CDKAL1: variants seen among roughly 807,000 people sequenced by gnomAD.
The protein encoded by CDKAL1 is CDKAL1 threonylcarbamoyladenosine tRNA methylthiotransferase.
CDKAL1 carries 32 observed loss-of-function variants against 68.2 expected under a neutral mutation model. The observed-to-expected ratio is 0.47, with a 90% confidence interval of 0.35 to 0.63. The LOEUF is 0.63. CDKAL1 is among the 30% of genes least tolerant of loss of function. The pLI is 0.00. For synonymous variants in CDKAL1, 234 were observed against 244.3 expected, an observed-to-expected ratio of 0.96 and a Z score of 0.39; for missense variants, 606 against 696.7, an observed-to-expected ratio of 0.87 and a Z score of 1.47.
intron 13 of CDKAL1, among the ~76,000 whole-genome samples, chr6:21,139,977 C>A (rs150676771): frequency 1.1e-4 from 16 of 152,262 alleles, no homozygotes; most frequent in Non-Finnish European, 1.8e-4. Context: ...ACTGCAAAAA[C>A]GCACAGATAA....
chr6:20,986,575 C>T (rs1027322256), intron 10 of CDKAL1, among the ~76,000 whole-genome samples: 8 of 151,370 alleles, frequency 5.3e-5, no homozygotes, highest in African/African-American at 1.7e-4. Context: ...TAAGATACTA[C>T]AAGCCCAACC....
chr6:20,986,972 A>G (rs1256438205), intron 10 of CDKAL1, among the ~76,000 whole-genome samples: 1 of 152,216 alleles, frequency 6.6e-6, no homozygotes, highest in African/African-American at 2.4e-5. Context: ...AAGACAGCAC[A>G]GTTCATAGAC....
chr6:20,945,381 G>C (rs757284983), intron 9 of CDKAL1, among the ~76,000 whole-genome samples: 1 of 152,084 alleles, frequency 6.6e-6, no homozygotes, highest in Non-Finnish European at 1.5e-5. Context: ...AAATCCCTCT[G>C]TCCCAAGCAT....
chr6:21,087,372 C>T (rs1772751325), intron 12 of CDKAL1, among the ~76,000 whole-genome samples: 3 of 152,148 alleles, frequency 2.0e-5, no homozygotes, highest in African/African-American at 7.2e-5. Context: ...AGTTCTGTCT[C>T]CCAGGCTGGA....
chr6:20,835,528 C>CTT (rs1777901895), intron 8 of CDKAL1, among the ~76,000 whole-genome samples: 1 of 148,840 alleles, frequency 6.7e-6, no homozygotes, highest in African/African-American at 2.5e-5. Flanking sequence ...TGTCTTTTGT[C>CTT]TTGTCTTGTC....
At chr6:21,215,788 G>A (rs1393244492) in intron 15 of CDKAL1, among the ~76,000 whole-genome samples, 1 of 152,156 alleles carries the variant, frequency 6.6e-6, no homozygotes, top group Non-Finnish European at 1.5e-5. Context: ...GTGGTAGGCA[G>A]AATAATGCCC....
chr6:21,143,376 A>G (rs953933185), intron 13 of CDKAL1, among the ~76,000 whole-genome samples: 1 of 152,090 alleles, frequency 6.6e-6, no homozygotes, highest in African/African-American at 2.4e-5. Context: ...AGTGTATCTC[A>G]GGAGTGTAAG....
chr6:21,032,215 G>A (rs570325571), intron 11 of CDKAL1, among the ~76,000 whole-genome samples: 5 of 152,172 alleles, frequency 3.3e-5, no homozygotes, highest in South Asian at 2.1e-4. Context: ...GGGTGTCTGC[G>A]AGCTTTGTAT....
intron 4 of CDKAL1, among the ~76,000 whole-genome samples, chr6:20,551,569 A>C (rs1763830543): frequency 6.6e-6 from 1 of 151,280 alleles, no homozygotes; most frequent in Non-Finnish European, 1.5e-5. Flanking sequence ...ACGGGGTTTC[A>C]CCGTGTTAGC....
intron 4 of CDKAL1, among the ~76,000 whole-genome samples, chr6:20,594,833 A>G (rs1396186124): frequency 6.6e-6 from 1 of 152,084 alleles, no homozygotes; most frequent in African/African-American, 2.4e-5. Flanking sequence ...TTTCCATTCC[A>G]TATTTAGTGC....
At chr6:20,701,725 C>T (rs950578386) in intron 5 of CDKAL1, among the ~76,000 whole-genome samples, 14 of 152,038 alleles carry the variant, frequency 9.2e-5, no homozygotes, top group African/African-American at 3.4e-4. Flanking sequence ...AGTTATGTTC[C>T]CCCAGCCACC....
chr6:20,770,303 A>G (rs1774885035), intron 7 of CDKAL1, among the ~76,000 whole-genome samples: 1 of 152,218 alleles, frequency 6.6e-6, no homozygotes, highest in South Asian at 2.1e-4. Flanking sequence ...AAAAAAGCAA[A>G]TGAAAGATTC....
rs1201846347 is a variant in CDKAL1 at position 21,232,280 on chromosome 6, T to G, written c.*1241T>G. On this transcript the variant is annotated 3_prime_UTR_variant, in exon 16 of 16. Coordinates refer to ENST00000274695, the MANE Select transcript of CDKAL1 (RefSeq NM_017774.3). Reference sequence around the variant, plus strand: ...CCTCAGCCTCCCAAAGTGCTGGGATTACAGGCGTGAGCCACTCCACCCAGC... The same window carrying G: ...CCTCAGCCTCCCAAAGTGCTGGGATGACAGGCGTGAGCCACTCCACCCAGC... The G allele has an allele frequency of 6.6e-6, 1 of 152,336 alleles. No homozygotes were observed. The highest frequency in any genetic ancestry group is 2.4e-5 in the African/African-American group (1 of 41,474). 9.4% of individuals were successfully genotyped at this position (152,336 alleles called of 1,614,324 possible). A position where few individuals can be genotyped will look rare whatever the true frequency, so the allele number is the denominator to read the frequency against.
rs147250435 is a variant in CDKAL1, at chr6:20,739,534, G to A, written c.387G>A (p.Glu129=). The A allele has an allele frequency of 2.2e-4, 362 of 1,611,094 alleles. No homozygotes were observed. In the African/African-American group the frequency reaches 4.3e-3, roughly 19 times the overall value. The part of the protein sequence containing the change: ...FRNSIKKAQE[E]NKKIVLAGCV... ...AATCTTTTAGAAAAGCTCAAGAGGA[G>A]AACAAGAAAATCGTACTGGCTGGAT... The change falls in exon 6 of 16, where the codon GAG becomes GAA. Residue 129 remains glutamate (E), a synonymous_variant. Coordinates refer to ENST00000274695, the MANE Select transcript of CDKAL1 (RefSeq NM_017774.3).
intron 5 of CDKAL1, among the ~76,000 whole-genome samples, chr6:20,717,024 T>C (rs9465871): frequency 0.3 from 45,875 of 151,650 alleles, 8,803 homozygotes; most frequent in African/African-American, 0.53. Flanking sequence ...TGCTGAGAAA[T>C]TGAGTTAGAT....
intron 4 of CDKAL1, among the ~76,000 whole-genome samples, chr6:20,571,813 G>A (rs183679142): frequency 7.2e-5 from 11 of 152,064 alleles, no homozygotes; most frequent in Admixed American, 7.2e-4. Context: ...CTTGGGAATA[G>A]TTACCCATCT....
chr6:20,722,954 C>G (rs1772456091), intron 5 of CDKAL1, among the ~76,000 whole-genome samples: 1 of 152,136 alleles, frequency 6.6e-6, no homozygotes, highest in Non-Finnish European at 1.5e-5. Flanking sequence ...CTGCTGAGAG[C>G]TGTTTTCATT....
intron 7 of CDKAL1, 97 bp from the exon 8 acceptor site, chr6:20,781,048 C>G: frequency 8.3e-7 from 1 of 1,209,490 alleles, no homozygotes; most frequent in Non-Finnish European, 1.2e-6. Flanking sequence ...TTCCCCTGCT[C>G]CCGAAAAGAA....
intron 5 of CDKAL1, among the ~76,000 whole-genome samples, chr6:20,672,974 A>T (rs1410521482): frequency 2.0e-5 from 3 of 151,792 alleles, no homozygotes; most frequent in Non-Finnish European, 4.4e-5. Flanking sequence ...ATGGGGTTTC[A>T]CCATGTTGGC....
Sources: allele counts gnomAD v4.1 joint callset (sites outside exome capture counted in the v4.1 genomes callset), GRCh38; gene constraint gnomAD v4.1.1; transcripts MANE v1.5; gene names NCBI Gene and HGNC (gene_info 2026-07-23, HGNC 2026-07-21).